The following MAF variants were observed in gnomAD, a reference collection of about 807,000 sequenced individuals.
MAF encodes the protein transcription factor Maf.
MAF carries 10 observed loss-of-function variants against 22.0 expected under a neutral mutation model. The ratio of observed to expected loss-of-function variants is 0.45; its 90% confidence interval spans 0.28 to 0.77. The LOEUF is 0.77. Ranked by LOEUF, MAF falls within the 30% of genes least tolerant of loss-of-function variation. MAF has a pLI of 0.12. For missense variants in MAF, 544 were observed against 548.4 expected (o/e 0.99, Z 0.08); for synonymous variants, 337 against 255.8 (o/e 1.32, Z -3.03).
chr16:79,478,307 C>T, the MAF span, among the ~76,000 whole-genome samples: 1 of 152,156 alleles, frequency 6.6e-6, no homozygotes, highest in African/African-American at 2.4e-5. Context: ...AGAAAGTTTC[C>T]TATTTTCTCA....
the MAF span, among the ~76,000 whole-genome samples, chr16:79,280,845 A>AT: frequency 6.6e-6 from 1 of 152,206 alleles, no homozygotes; most frequent in South Asian, 2.1e-4. Context: ...GCGTGGGAAC[A>AT]TTTTAAAGGA....
chr16:79,457,533 A>G, the MAF span, among the ~76,000 whole-genome samples: 1 of 152,150 alleles, frequency 6.6e-6, no homozygotes, highest in Non-Finnish European at 1.5e-5. Context: ...AGCAAATCCA[A>G]TCTGAAATAT....
chr16:79,391,127 C>A, the MAF span, among the ~76,000 whole-genome samples: 2 of 152,102 alleles, frequency 1.3e-5, no homozygotes, highest in Admixed American at 6.5e-5. Flanking sequence ...CAGAACCCAG[C>A]CTCTGGAGTC....
the MAF span, among the ~76,000 whole-genome samples, chr16:79,356,990 C>T: frequency 5.3e-5 from 8 of 152,310 alleles, no homozygotes; most frequent in African/African-American, 1.2e-4. Context: ...GGGATGGTGG[C>T]TCATGCCTGT....
chr16:79,335,644 T>C, the MAF span, among the ~76,000 whole-genome samples: 3 of 152,092 alleles, frequency 2.0e-5, no homozygotes, highest in East Asian at 5.8e-4. Flanking sequence ...AGGGAGGCAG[T>C]GATGTGTCCC....
the MAF span, among the ~76,000 whole-genome samples, chr16:79,544,465 A>T: frequency 6.6e-5 from 10 of 151,986 alleles, no homozygotes; most frequent in Admixed American, 4.6e-4. Context: ...TTCCATCATT[A>T]TTTTTTTCCT....
At chr16:79,541,491 AT>A in the MAF span, among the ~76,000 whole-genome samples, 1 of 151,630 alleles carries the variant, frequency 6.6e-6, no homozygotes, top group African/African-American at 2.4e-5. Flanking sequence ...AAAAAAAAAA[AT>A]AATAAATGCT....
At chr16:79,211,874 C>A in the MAF span, 2 of 1,590,900 alleles carry the variant, frequency 1.3e-6, no homozygotes, top group African/African-American at 1.3e-5. Flanking sequence ...TGGGCCCCTT[C>A]CAAATGTCCC....
At chr16:79,278,746 A>G in the MAF span, among the ~76,000 whole-genome samples, 2 of 152,030 alleles carry the variant, frequency 1.3e-5, no homozygotes, top group Non-Finnish European at 2.9e-5. Context: ...CTGTCGAGCT[A>G]CCCAAACAGG....
At chr16:79,513,500 TA>T in the MAF span, among the ~76,000 whole-genome samples, 1 of 152,226 alleles carries the variant, frequency 6.6e-6, no homozygotes, top group Non-Finnish European at 1.5e-5. Flanking sequence ...ATTTTGGAAG[TA>T]ACTGTGCAGT....
chr16:79,252,548 A>G, the MAF span, among the ~76,000 whole-genome samples: 2 of 151,924 alleles, frequency 1.3e-5, no homozygotes, highest in Non-Finnish European at 2.9e-5. Context: ...GGAGTGCAGT[A>G]GCGCCATCTC....
At chr16:79,248,924 T>C in the MAF span, among the ~76,000 whole-genome samples, 1 of 152,190 alleles carries the variant, frequency 6.6e-6, no homozygotes, top group African/African-American at 2.4e-5. Context: ...CATAATGCAT[T>C]GCATTGGGTA....
the MAF span, among the ~76,000 whole-genome samples, chr16:79,447,460 T>G: frequency 2.6e-5 from 4 of 152,202 alleles, no homozygotes; most frequent in Non-Finnish European, 5.9e-5. Flanking sequence ...TAACAGAATA[T>G]TCAACCTGCA....
chr16:79,525,382 G>A, the MAF span, among the ~76,000 whole-genome samples: 2 of 152,148 alleles, frequency 1.3e-5, no homozygotes, highest in Admixed American at 6.6e-5. Context: ...ACGGCCATGC[G>A]CTCGGAGGGG....
the MAF span, among the ~76,000 whole-genome samples, chr16:79,269,565 T>G: frequency 2.0e-5 from 3 of 152,200 alleles, no homozygotes; most frequent in African/African-American, 7.2e-5. Context: ...AATGGCATCT[T>G]GAGGTTCCCC....
the MAF span, among the ~76,000 whole-genome samples, chr16:79,346,928 T>A: frequency 6.6e-6 from 1 of 152,198 alleles, no homozygotes; most frequent in African/African-American, 2.4e-5. Context: ...ATTAGGTTTA[T>A]TTTTTTAAGC....
At chr16:79,590,793 C>G (rs928576280), downstream of MAF, among the ~76,000 whole-genome samples, 9 of 152,088 alleles carry the variant, frequency 5.9e-5, no homozygotes, top group African/African-American at 1.9e-4. Context: ...CTGGGCCATA[C>G]TCTCCCAGCC....
chr16:79,230,095 C>A, the MAF span, among the ~76,000 whole-genome samples: 1 of 152,070 alleles, frequency 6.6e-6, no homozygotes, highest in Non-Finnish European at 1.5e-5. Context: ...ATCTTGTAAA[C>A]AGGTTGTAAA....
At chr16:79,219,524 C>T in the MAF span, among the ~76,000 whole-genome samples, 18 of 139,036 alleles carry the variant, frequency 1.3e-4, no homozygotes, top group African/African-American at 4.6e-4. Flanking sequence ...GCACTCCAGC[C>T]TGGGCGACAG....
Sources: gnomAD v4.1 joint callset for allele counts (sites outside exome capture counted in the v4.1 genomes callset) on GRCh38, gnomAD v4.1.1 for gene constraint, MANE v1.5 for transcripts, NCBI Gene and HGNC (gene_info 2026-07-23, HGNC 2026-07-21) for gene names.